Variants in FNDC3B observed in about 807,000 individuals in gnomAD.
The protein encoded by FNDC3B is fibronectin type III domain containing 3B.
In FNDC3B, 12 loss-of-function variants were observed where a neutral mutation model predicts 151.5. The observed-to-expected ratio is 0.08, with a 90% confidence interval of 0.05 to 0.13. The LOEUF is 0.13. Among genes scored for constraint, FNDC3B ranks in the 10% least tolerant of loss-of-function variants. The pLI is 1.00. For missense variants in FNDC3B, 1,214 were observed against 1,505.3 expected, an observed-to-expected ratio of 0.81 and a Z score of 3.20; for synonymous variants, 528 against 549.0, an observed-to-expected ratio of 0.96 and a Z score of 0.54.
chr3:172,206,488 GTC>G (rs1725432268), intron 3 of FNDC3B, among the ~76,000 whole-genome samples: 1 of 151,864 alleles, frequency 6.6e-6, no homozygotes, highest in Non-Finnish European at 1.5e-5. Flanking sequence ...GCAAAACCCT[GTC>G]TCTACTAAAA....
chr3:172,084,581 G>A (rs1283950164), intron 1 of FNDC3B, among the ~76,000 whole-genome samples: 3 of 151,464 alleles, frequency 2.0e-5, no homozygotes, highest in African/African-American at 7.3e-5. Context: ...TTTCACTTTT[G>A]TTCACTCAAA....
Position 172,401,246 on chromosome 3 carries a change from A to G in FNDC3B, c.*3771A>G, listed in dbSNP as rs1736566011. The G allele has an allele frequency of 6.6e-6, 1 of 152,180 alleles. No individual in the cohort carries two copies. The highest frequency in any genetic ancestry group is 2.4e-5 in the African/African-American group (1 of 41,424). 9.4% of individuals were successfully genotyped at this position (152,180 alleles called of 1,614,324 possible). On this transcript the variant is annotated 3_prime_UTR_variant, in exon 26 of 26. Coordinates refer to ENST00000415807, the MANE Select transcript of FNDC3B (RefSeq NM_022763.4). ...TTCTTCCCTTTTAAATACTTAAAGC[A>G]CATTCAGATTAGTTGAAAATTCACG...
intron 3 of FNDC3B, among the ~76,000 whole-genome samples, chr3:172,138,611 C>G (rs982495027): frequency 6.6e-6 from 1 of 151,954 alleles, no homozygotes; most frequent in Non-Finnish European, 1.5e-5. Context: ...AATTGTGAGG[C>G]TAAAGAAAAT....
Position 172,079,374 on chromosome 3 carries a change from G to A in FNDC3B, c.-28-33078G>A, listed in dbSNP as rs370316978. Among the ~76,000 whole-genome samples the A allele has an allele frequency of 6.8e-4, 104 of 152,280 alleles. 1 individual carries two copies. The highest frequency in any genetic ancestry group is 2.4e-3 in the African/African-American group (101 of 41,556). On this transcript the variant is annotated intron_variant, in intron 1 of 25. Coordinates refer to ENST00000415807, the MANE Select transcript of FNDC3B (RefSeq NM_022763.4). ...CAAAGATGGAGTTTGGCCTTGGTGGGATTCTGTGTTGGGAGCTGCAGTCCC... is the reference window on the plus strand; with the variant it reads ...CAAAGATGGAGTTTGGCCTTGGTGGAATTCTGTGTTGGGAGCTGCAGTCCC...
At chr3:172,298,628 T>G (rs1730756285) in intron 8 of FNDC3B, 100 bp from the exon 9 acceptor site, 2 of 608,328 alleles carry the variant, frequency 3.3e-6, no homozygotes, top group Non-Finnish European at 5.7e-6. Context: ...GACATAATAG[T>G]TCATGAATTA....
In FNDC3B at chr3:172,334,961, G is replaced by C. The variant is rs1243328212; in HGVS notation, c.1659G>C (p.Thr553=). The change falls in exon 15 of 26, where the codon ACG becomes ACC. Residue 553 remains threonine (T), a synonymous_variant. Transcript: ENST00000415807. ...TGTTCTAGCTGACTGCTTCTAATAC[G>C]GAAGGAAAAAGCTGTCCAAGCGAAG... ...QYKFRLTASN[T]EGKSCPSEVL... is the part of the protein sequence containing the mutation. The C allele has an allele frequency of 3.7e-6, 6 of 1,613,388 alleles. No individual in the cohort carries two copies. In the South Asian group the frequency reaches 5.5e-5, roughly 15 times the overall value.
At chr3:172,116,844 G>T (rs1720281798) in intron 2 of FNDC3B, among the ~76,000 whole-genome samples, 1 of 152,218 alleles carries the variant, frequency 6.6e-6, no homozygotes, top group Non-Finnish European at 1.5e-5. Context: ...GGGATTACAT[G>T]TGTGAGCCAC....
At chr3:172,091,327 G>C (rs1193681949) in intron 1 of FNDC3B, among the ~76,000 whole-genome samples, 1 of 152,042 alleles carries the variant, frequency 6.6e-6, no homozygotes, top group Non-Finnish European at 1.5e-5. Context: ...CATTTAGATG[G>C]GCCTTTTTTC....
chr3:172,114,776 T>C (rs760605278), intron 2 of FNDC3B, among the ~76,000 whole-genome samples: 8 of 152,282 alleles, frequency 5.3e-5, no homozygotes, highest in South Asian at 2.1e-4. Flanking sequence ...TTTAATCTTA[T>C]TAAAGCTTTC....
chr3:172,276,265 G>T (rs968526620), intron 6 of FNDC3B, among the ~76,000 whole-genome samples: 1 of 152,134 alleles, frequency 6.6e-6, no homozygotes, highest in African/African-American at 2.4e-5. Context: ...TATTTAACAG[G>T]TGTTCCAAAC....
intron 3 of FNDC3B, among the ~76,000 whole-genome samples, chr3:172,141,453 G>A (rs1196566125): frequency 6.6e-6 from 1 of 152,218 alleles, no homozygotes; most frequent in Non-Finnish European, 1.5e-5. Flanking sequence ...CACCACGCCT[G>A]AGCAGCTATA....
rs9819859 is a variant in FNDC3B, at chr3:172,318,218, T to G, written c.1254+7337T>G. On this transcript the variant is annotated intron_variant, in intron 11 of 25. Coordinates refer to ENST00000415807, the MANE Select transcript of FNDC3B (RefSeq NM_022763.4). ...AAATCAGGGGAAGCATAATTAAAAG[T>G]TGAGAGAGGAGAAAAGGCCAGCAGC... is the stretch of plus-strand genomic sequence containing the variant. Among the ~76,000 whole-genome samples the G allele has an allele frequency of 7.6e-3, 1,152 of 152,152 alleles. 18 individuals carry two copies. Among genetic ancestry groups the G allele is most frequent in the African/African-American group, 0.026 (1,092 of 41,500 alleles).
rs4535251 is a variant in FNDC3B at position 172,208,583 on chromosome 3, T to A, written c.188-18288T>A. 3.3e-4 allele frequency among the ~76,000 whole-genome samples: 50 copies of A among 152,154 alleles called. No individual in the cohort carries two copies. In the East Asian group the frequency reaches 5.2e-3, roughly 16 times the overall value. On this transcript the variant is annotated intron_variant, in intron 3 of 25. Transcript: ENST00000415807. ...GTGATATTTTGATACCTGTATACCA[T>A]GTGTAATGATCAAATTCAGTTACTG...
At chr3:172,265,964 A>G (rs1459372512) in intron 6 of FNDC3B, among the ~76,000 whole-genome samples, 3 of 152,212 alleles carry the variant, frequency 2.0e-5, no homozygotes, top group African/African-American at 4.8e-5. Flanking sequence ...AAAGATAGGG[A>G]TGAATTTTTT....
chr3:172,059,935 G>C (rs1179227739), intron 1 of FNDC3B, among the ~76,000 whole-genome samples: 4 of 152,176 alleles, frequency 2.6e-5, no homozygotes, highest in African/African-American at 9.7e-5. Flanking sequence ...ATTTTGAAAT[G>C]TTTCAAACCA....
intron 6 of FNDC3B, among the ~76,000 whole-genome samples, chr3:172,277,820 C>T (rs1292152484): frequency 6.6e-6 from 1 of 152,160 alleles, no homozygotes. Flanking sequence ...CCTTACCCTT[C>T]CCTTTTGTTT....
chr3:172,120,575 G>T lies in FNDC3B; in HGVS notation c.111+7985G>T, dbSNP rs527734307. Among the ~76,000 whole-genome samples, 482 of 151,398 alleles carry T rather than the reference G, an allele frequency of 3.2e-3. 2 individuals are homozygous for T. Among genetic ancestry groups the T allele is most frequent in the Admixed American group, 4.9e-3 (75 of 15,236 alleles). ...CCTTTGTCATACAGGCATGGGGGGG[G>T]GTGTGTGTGTTGTTTTTGTTTTTGT... On this transcript the variant is annotated intron_variant, in intron 2 of 25. Transcript: ENST00000415807.
chr3:172,396,964 T>C (rs1409384454), intron 25 of FNDC3B, among the ~76,000 whole-genome samples, 200 bp from the exon 26 acceptor site: 1 of 152,228 alleles, frequency 6.6e-6, no homozygotes, highest in Non-Finnish European at 1.5e-5. Context: ...GGATTTTATA[T>C]TGTTTCATTC....
chr3:172,360,327 G>A (rs1037525917), intron 22 of FNDC3B, among the ~76,000 whole-genome samples: 5 of 152,062 alleles, frequency 3.3e-5, no homozygotes, highest in Non-Finnish European at 1.5e-5. Context: ...AGTTTTGGGA[G>A]GTCATTATAC....
Sources: allele counts gnomAD v4.1 joint callset (sites outside exome capture counted in the v4.1 genomes callset), GRCh38; gene constraint gnomAD v4.1.1; transcripts MANE v1.5; gene names NCBI Gene and HGNC (gene_info 2026-07-23, HGNC 2026-07-21).